Variants in ZNF423 observed in about 807,000 individuals in gnomAD.
ZNF423 encodes Ebf-associated zinc finger protein.
Under a neutral mutation model 95.8 loss-of-function variants are expected in ZNF423, and 12 were observed. The observed-to-expected ratio is 0.13, with a 90% CI of 0.08 to 0.20. ZNF423 has a LOEUF of 0.20. Among genes scored for constraint, ZNF423 ranks in the 10% least tolerant of loss-of-function variants. The pLI, the probability that ZNF423 is intolerant of heterozygous loss-of-function variation, is 1.00. For missense variants in ZNF423, 1,316 were observed against 1,737.1 expected, an observed-to-expected ratio of 0.76 and a Z score of 4.31; for synonymous variants, 749 against 711.9, an observed-to-expected ratio of 1.05 and a Z score of -0.83.
At chr16:49,749,426 A>G (rs2033590679) in intron 2 of ZNF423, among the ~76,000 whole-genome samples, 1 of 152,230 alleles carries the variant, frequency 6.6e-6, no homozygotes, top group South Asian at 2.1e-4. Flanking sequence ...CTTTACTGTT[A>G]TTTCTGATTA....
At chr16:49,531,345 C>T (rs879284356) in intron 5 of ZNF423, among the ~76,000 whole-genome samples, 28 of 151,588 alleles carry the variant, frequency 1.8e-4, no homozygotes, top group Non-Finnish European at 3.7e-4. Flanking sequence ...TAAATGGGCG[C>T]GGTAAATGGT....
At chr16:49,599,150 G>A (rs965460757) in intron 5 of ZNF423, among the ~76,000 whole-genome samples, 8 of 152,088 alleles carry the variant, frequency 5.3e-5, no homozygotes, top group South Asian at 4.1e-4. Context: ...CTTTGAAATC[G>A]CTTACAGGTT....
chr16:49,578,572 C>T (rs1455567204), intron 5 of ZNF423, among the ~76,000 whole-genome samples: 1 of 152,190 alleles, frequency 6.6e-6, no homozygotes, highest in Non-Finnish European at 1.5e-5. Context: ...CCCCTCGCCT[C>T]TCGCCCTCTC....
At chr16:49,675,654 C>G (rs751195871) in intron 3 of ZNF423, among the ~76,000 whole-genome samples, 8 of 152,180 alleles carry the variant, frequency 5.3e-5, no homozygotes, top group Non-Finnish European at 1.0e-4. Flanking sequence ...AGTGCTCACA[C>G]GCACATGGAG....
chr16:49,770,390 T>G (rs1322814090), intron 2 of ZNF423, among the ~76,000 whole-genome samples: 2 of 152,066 alleles, frequency 1.3e-5, no homozygotes, highest in African/African-American at 4.8e-5. Context: ...TGTCCATCCA[T>G]GAGTAAATGT....
At chr16:49,542,892 C>T (rs1969303210) in intron 5 of ZNF423, among the ~76,000 whole-genome samples, 1 of 152,144 alleles carries the variant, frequency 6.6e-6, no homozygotes. Context: ...ACCCCGTGGC[C>T]CCCACCCTTC....
chr16:49,672,779 T>C (rs1283280980), intron 3 of ZNF423, among the ~76,000 whole-genome samples: 1 of 152,074 alleles, frequency 6.6e-6, no homozygotes, highest in African/African-American at 2.4e-5. Context: ...GATCGCGTCA[T>C]TACACTCCAG....
At chr16:49,799,249 C>G (rs767241450) in intron 1 of ZNF423, among the ~76,000 whole-genome samples, 1 of 152,198 alleles carries the variant, frequency 6.6e-6, no homozygotes, top group African/African-American at 2.4e-5. Flanking sequence ...AAGCACTTAG[C>G]TCCAGGGAAA....
At chr16:49,678,344 TA>T (rs2031210338) in intron 3 of ZNF423, among the ~76,000 whole-genome samples, 1 of 151,402 alleles carries the variant, frequency 6.6e-6, no homozygotes, top group Admixed American at 6.6e-5. Flanking sequence ...AGGGGCACCA[TA>T]AAAAAGTTAC....
chr16:49,798,618 T>TA (rs1370801718), intron 1 of ZNF423, among the ~76,000 whole-genome samples: 4 of 151,686 alleles, frequency 2.6e-5, no homozygotes, highest in Admixed American at 6.6e-5. Flanking sequence ...CAATTTTTTT[T>TA]AAAAAAATTA....
intron 5 of ZNF423, among the ~76,000 whole-genome samples, chr16:49,544,037 T>A (rs560032566): frequency 3.9e-5 from 6 of 152,202 alleles, no homozygotes; most frequent in Admixed American, 6.5e-5. Context: ...CTAATCCCTG[T>A]GGTACTGGGT....
intron 7 of ZNF423, among the ~76,000 whole-genome samples, chr16:49,514,207 CACACAT>C (rs905764249): frequency 1.1e-3 from 61 of 54,512 alleles, no homozygotes; most frequent in African/African-American, 3.1e-3. Context: ...CACACACACA[CACACAT>C]GCACACGCAC....
At chr16:49,769,682 C>T (rs556516653) in intron 2 of ZNF423, among the ~76,000 whole-genome samples, 1 of 152,064 alleles carries the variant, frequency 6.6e-6, no homozygotes, top group Admixed American at 6.5e-5. Flanking sequence ...AATCTCCCAA[C>T]CTCACCTCCT....
At chr16:49,557,422 G>T (rs901355622) in intron 5 of ZNF423, among the ~76,000 whole-genome samples, 2 of 152,180 alleles carry the variant, frequency 1.3e-5, no homozygotes, top group African/African-American at 4.8e-5. Context: ...GGAATGAGAA[G>T]GAGGAACTCC....
chr16:49,632,884 C>G (rs562938159), intron 4 of ZNF423, among the ~76,000 whole-genome samples: 37 of 152,316 alleles, frequency 2.4e-4, no homozygotes, highest in African/African-American at 7.7e-4. Flanking sequence ...ATCAGAAAAC[C>G]CAGCACCATG....
intron 3 of ZNF423, among the ~76,000 whole-genome samples, chr16:49,705,476 T>C (rs534231056): frequency 1.3e-5 from 2 of 152,252 alleles, no homozygotes; most frequent in East Asian, 1.9e-4. Context: ...TCTGGATCTC[T>C]AGGTTATAAC....
chr16:49,610,941 G>A (rs1971701080), intron 5 of ZNF423, among the ~76,000 whole-genome samples: 1 of 151,960 alleles, frequency 6.6e-6, no homozygotes, highest in Non-Finnish European at 1.5e-5. Context: ...CAATGATAAA[G>A]GGGTCAATCT....
At chr16:49,639,271 T>G (rs1466580227) in intron 3 of ZNF423, among the ~76,000 whole-genome samples, 1 of 151,964 alleles carries the variant, frequency 6.6e-6, no homozygotes, top group East Asian at 1.9e-4. Flanking sequence ...TCCTGTCACT[T>G]GATCCACACC....
At chr16:49,786,410 G>A (rs1597007461) in intron 2 of ZNF423, among the ~76,000 whole-genome samples, 1 of 152,224 alleles carries the variant, frequency 6.6e-6, no homozygotes, top group African/African-American at 2.4e-5. Context: ...GAAAAGCAGG[G>A]GAGAGGAAGG....
Sources: allele counts gnomAD v4.1 joint callset (sites outside exome capture counted in the v4.1 genomes callset), GRCh38; gene constraint gnomAD v4.1.1; transcripts MANE v1.5; gene names NCBI Gene and HGNC (gene_info 2026-07-23, HGNC 2026-07-21).